The following FAM13A variants were observed in gnomAD, a reference collection of about 807,000 sequenced individuals.
The protein encoded by FAM13A is family with sequence similarity 13 member A.
FAM13A carries 76 observed loss-of-function variants against 129.6 expected under a neutral mutation model. The ratio of observed to expected loss-of-function variants is 0.59; its 90% CI spans 0.49 to 0.71. The LOEUF is 0.71. Ranked by LOEUF, FAM13A falls within the 30% of genes least tolerant of loss-of-function variation. The probability of loss-of-function intolerance (pLI) is 0.00; values close to 1 mark genes in which losing one functional copy is unlikely to be tolerated. For synonymous variants in FAM13A, 443 were observed against 449.9 expected (o/e 0.98, Z 0.20); for missense variants, 1,108 against 1,249.3 (o/e 0.89, Z 1.70).
intron 4 of FAM13A, among the ~76,000 whole-genome samples, chr4:88,966,560 T>C (rs982622510): frequency 1.3e-5 from 2 of 152,176 alleles, no homozygotes; most frequent in Admixed American, 1.3e-4. Context: ...AGCTATTTTA[T>C]TTTTTTCATT....
chr4:88,934,892 A>G (rs1753604985), intron 5 of FAM13A, among the ~76,000 whole-genome samples: 1 of 152,222 alleles, frequency 6.6e-6, no homozygotes, highest in African/African-American at 2.4e-5. Flanking sequence ...TCACAGGGCT[A>G]AGAGGTCTAT....
At chr4:89,025,358 G>A (rs1398183755) in intron 2 of FAM13A, among the ~76,000 whole-genome samples, 34 of 140,692 alleles carry the variant, frequency 2.4e-4, no homozygotes, top group African/African-American at 4.7e-4. Flanking sequence ...TCCGCTTCCC[G>A]GGTTCACGCC....
At chr4:88,968,982 A>T (rs554203933) in intron 4 of FAM13A, among the ~76,000 whole-genome samples, 1 of 152,338 alleles carries the variant, frequency 6.6e-6, no homozygotes, top group South Asian at 2.1e-4. Flanking sequence ...TACTAATATC[A>T]TCAATTTAAA....
At chr4:88,810,479 G>A (rs1181911747) in intron 7 of FAM13A, among the ~76,000 whole-genome samples, 1 of 152,082 alleles carries the variant, frequency 6.6e-6, no homozygotes, top group Non-Finnish European at 1.5e-5. Context: ...AGACAGATAT[G>A]CACCCAGGCA....
intron 14 of FAM13A, among the ~76,000 whole-genome samples, chr4:88,755,441 C>A (rs1743420130): frequency 6.6e-6 from 1 of 152,176 alleles, no homozygotes; most frequent in Non-Finnish European, 1.5e-5. Flanking sequence ...CTGTTACCAT[C>A]CTATTTAAAG....
At chr4:88,791,093 G>A (rs1725045603) in intron 8 of FAM13A, among the ~76,000 whole-genome samples, 1 of 152,106 alleles carries the variant, frequency 6.6e-6, no homozygotes, top group Non-Finnish European at 1.5e-5. Flanking sequence ...CAGGCAGAGG[G>A]CAGTGGGGAC....
At chr4:89,009,034 T>TCC (rs1471722616) in intron 3 of FAM13A, 1 of 152,164 alleles carries the variant, frequency 6.6e-6, no homozygotes, top group East Asian at 1.9e-4. Flanking sequence ...TTAGGTTTAT[T>TCC]AAAGGATCAA....
intron 6 of FAM13A, among the ~76,000 whole-genome samples, chr4:88,892,459 G>A (rs1745519032): frequency 6.6e-6 from 1 of 152,058 alleles, no homozygotes; most frequent in Non-Finnish European, 1.5e-5. Flanking sequence ...GATTACAGGC[G>A]TGAGCCACTG....
chr4:89,049,062 G>C (rs1771222427), intron 1 of FAM13A, among the ~76,000 whole-genome samples: 1 of 152,142 alleles, frequency 6.6e-6, no homozygotes, highest in East Asian at 1.9e-4. Context: ...TTACTGGAAT[G>C]TAAAGTTAAA....
chr4:88,889,350 G>T (rs953556164), intron 6 of FAM13A, among the ~76,000 whole-genome samples: 1 of 152,160 alleles, frequency 6.6e-6, no homozygotes, highest in Admixed American at 6.5e-5. Flanking sequence ...CTCAGACCAA[G>T]AAGAGCCATG....
At chr4:88,826,879 C>G (rs1050218586) in intron 7 of FAM13A, among the ~76,000 whole-genome samples, 3 of 152,146 alleles carry the variant, frequency 2.0e-5, no homozygotes, top group Non-Finnish European at 4.4e-5. Flanking sequence ...TGAATCTGCC[C>G]CTCGCTACTT....
At chr4:88,915,122 G>T (rs553984219) in intron 5 of FAM13A, among the ~76,000 whole-genome samples, 1 of 152,132 alleles carries the variant, frequency 6.6e-6, no homozygotes, top group Non-Finnish European at 1.5e-5. Flanking sequence ...ATAGGAAAGC[G>T]CATGTAGAAC....
intron 2 of FAM13A, 40 bp downstream of exon 2, chr4:89,029,420 G>T (rs751496693): frequency 2.0e-6 from 3 of 1,473,956 alleles, no homozygotes; most frequent in East Asian, 2.3e-5. Context: ...TTATGCAAGG[G>T]ACTGTGAAAA....
At chr4:89,047,437 A>T (rs945965985) in intron 1 of FAM13A, among the ~76,000 whole-genome samples, 1 of 152,212 alleles carries the variant, frequency 6.6e-6, no homozygotes, top group African/African-American at 2.4e-5. Flanking sequence ...CCTATTGCTG[A>T]ATTCCATGAT....
intron 8 of FAM13A, among the ~76,000 whole-genome samples, chr4:88,794,690 A>C (rs1725817098): frequency 6.6e-6 from 1 of 151,872 alleles, no homozygotes; most frequent in Non-Finnish European, 1.5e-5. Flanking sequence ...GGTCTAACAA[A>C]ATTATCAGTT....
intron 2 of FAM13A, among the ~76,000 whole-genome samples, chr4:89,026,408 T>C (rs1190273178): frequency 2.0e-5 from 3 of 152,190 alleles, no homozygotes; most frequent in African/African-American, 7.2e-5. Flanking sequence ...AGGAGAAAAA[T>C]TCTACGGAGT....
intron 23 of FAM13A, among the ~76,000 whole-genome samples, chr4:88,730,514 T>C (rs1239802790): frequency 6.6e-6 from 1 of 152,082 alleles, no homozygotes; most frequent in Non-Finnish European, 1.5e-5. Context: ...TGCCTCAGCC[T>C]CGAGTAGCTG....
At chr4:88,823,983 G>A (rs1212069365) in intron 7 of FAM13A, among the ~76,000 whole-genome samples, 1 of 152,018 alleles carries the variant, frequency 6.6e-6, no homozygotes, top group Admixed American at 6.6e-5. Context: ...ACAGCATTTT[G>A]GGGGGGTTGC....
intron 6 of FAM13A, among the ~76,000 whole-genome samples, chr4:88,901,468 A>G (rs1747291873): frequency 6.6e-6 from 1 of 152,198 alleles, no homozygotes; most frequent in African/African-American, 2.4e-5. Flanking sequence ...TCAAATTAGA[A>G]CTCAAGATTA....
Sources: allele counts gnomAD v4.1 joint callset (sites outside exome capture counted in the v4.1 genomes callset), GRCh38; gene constraint gnomAD v4.1.1; transcripts MANE v1.5; gene names NCBI Gene and HGNC (gene_info 2026-07-23, HGNC 2026-07-21).